Variants in WARS2 observed in about 807,000 individuals in gnomAD.
The protein encoded by WARS2 is tryptophan--tRNA ligase, mitochondrial.
Under a neutral mutation model 36.5 loss-of-function variants are expected in WARS2, and 28 were observed. The ratio of observed to expected loss-of-function variants is 0.77; its 90% CI spans 0.57 to 1.05. The LOEUF (loss-of-function observed/expected upper bound fraction) is 1.05. Among genes scored for constraint, WARS2 ranks in the 50% least tolerant of loss-of-function variants. WARS2 has a pLI of 0.00. For synonymous variants in WARS2, 174 were observed against 178.4 expected (o/e 0.98, Z 0.20); for missense variants, 435 against 456.8 (o/e 0.95, Z 0.44).
intron 2 of WARS2, among the ~76,000 whole-genome samples, chr1:119,049,223 C>T (rs1392423501): frequency 3.9e-5 from 6 of 152,326 alleles, no homozygotes; most frequent in African/African-American, 1.4e-4. Context: ...GGCGGAACGA[C>T]ATGGGGTTTG....
intron 1 of WARS2, among the ~76,000 whole-genome samples, chr1:119,134,333 A>AAAC (rs1553183041): frequency 2.0e-5 from 3 of 151,026 alleles, no homozygotes; most frequent in Non-Finnish European, 4.4e-5. Context: ...AAAAAAAAAA[A>AAAC]AAAAAAAACA....
intron 4 of WARS2, among the ~76,000 whole-genome samples, chr1:119,039,404 C>A (rs1648156221): frequency 6.6e-6 from 1 of 151,172 alleles, no homozygotes; most frequent in Non-Finnish European, 1.5e-5. Context: ...ATATATATAA[C>A]ACATATACAT....
At chr1:119,126,360 AT>A (rs1655655786) in intron 1 of WARS2, among the ~76,000 whole-genome samples, 1 of 152,120 alleles carries the variant, frequency 6.6e-6, no homozygotes, top group African/African-American at 2.4e-5. Flanking sequence ...AACCCTGCTT[AT>A]AAAACCCTTT....
At chr1:119,070,448 G>T (rs767873556) in intron 2 of WARS2, among the ~76,000 whole-genome samples, 3 of 151,936 alleles carry the variant, frequency 2.0e-5, no homozygotes, top group Non-Finnish European at 4.4e-5. Flanking sequence ...TAATTTTTTT[G>T]TAGAGACAGG....
chr1:119,078,578 A>G (rs587653802), intron 1 of WARS2, among the ~76,000 whole-genome samples: 5 of 152,292 alleles, frequency 3.3e-5, no homozygotes, highest in African/African-American at 1.2e-4. Flanking sequence ...TTTGATTATT[A>G]AAGAAGTTGG....
chr1:119,082,813 G>A (rs12142185), intron 1 of WARS2, among the ~76,000 whole-genome samples: 3 of 152,160 alleles, frequency 2.0e-5, no homozygotes, highest in Admixed American at 6.5e-5. Flanking sequence ...ATGTTTTGAA[G>A]GTGTGACCCC....
intron 1 of WARS2, among the ~76,000 whole-genome samples, chr1:119,128,865 A>G (rs1341365993): frequency 6.6e-6 from 1 of 152,164 alleles, no homozygotes; most frequent in African/African-American, 2.4e-5. Context: ...TTAGATGGAA[A>G]AGAAAGACAA....
rs138812506 is a variant in WARS2 at position 119,125,464 on chromosome 1, C to T, written c.90+15091G>A. ...TAGAATTTAAGATTTCTGCTTTGCA[C>T]TAGTCTATCTCCAATATCTACCATA... On this transcript the variant is annotated intron_variant, in intron 1 of 5. Coordinates refer to ENST00000235521, the MANE Select transcript of WARS2 (RefSeq NM_015836.4). 4.1e-3 allele frequency among the ~76,000 whole-genome samples: 620 copies of T among 152,326 alleles called. 23 individuals carry two copies. Among genetic ancestry groups the T allele is most frequent in the Admixed American group, 0.038 (574 of 15,288 alleles).
chr1:119,068,053 C>T (rs993492655), intron 2 of WARS2, among the ~76,000 whole-genome samples: 1 of 152,094 alleles, frequency 6.6e-6, no homozygotes, highest in South Asian at 2.1e-4. Context: ...ATGCCATGGG[C>T]CATTTAGATT....
chr1:119,061,049 G>C (rs1650336975), intron 2 of WARS2, among the ~76,000 whole-genome samples: 1 of 152,060 alleles, frequency 6.6e-6, no homozygotes, highest in African/African-American at 2.4e-5. Context: ...TTTGGGGCTT[G>C]AGCCTGCTAA....
At chr1:119,095,594 G>A (rs1028306842) in intron 1 of WARS2, among the ~76,000 whole-genome samples, 7 of 151,940 alleles carry the variant, frequency 4.6e-5, no homozygotes, top group Non-Finnish European at 1.0e-4. Context: ...CACCGCGCCC[G>A]GCTAATTTTT....
At chr1:119,048,735 C>T (rs909881638) in intron 2 of WARS2, among the ~76,000 whole-genome samples, 1 of 152,146 alleles carries the variant, frequency 6.6e-6, no homozygotes, top group African/African-American at 2.4e-5. Context: ...TCCAAGATCA[C>T]CTTGGTCGGC....
chr1:119,092,681 CT>C (rs1323654511), intron 1 of WARS2, among the ~76,000 whole-genome samples: 12 of 152,294 alleles, frequency 7.9e-5, no homozygotes, highest in Admixed American at 6.5e-4. Flanking sequence ...GCTATGTGAT[CT>C]TTGGCAAGTA....
intron 2 of WARS2, chr1:119,063,578 G>T (rs1461630270): frequency 6.6e-6 from 1 of 152,232 alleles, no homozygotes; most frequent in Non-Finnish European, 1.5e-5. Context: ...GGTTTTGTGG[G>T]CCAGGCTCAG....
chr1:119,085,561 G>A (rs1652585187), intron 1 of WARS2: 3 of 1,605,940 alleles, frequency 1.9e-6, no homozygotes, highest in Middle Eastern at 3.3e-4. Flanking sequence ...CCCTTCTCCT[G>A]GAGCTCTTTG....
chr1:119,103,269 A>G (rs1653999641), intron 1 of WARS2, among the ~76,000 whole-genome samples: 1 of 152,022 alleles, frequency 6.6e-6, no homozygotes, highest in Admixed American at 6.6e-5. Flanking sequence ...TGTTATCCCT[A>G]TAAGCCTACG....
At chr1:119,095,208 G>A (rs948670328) in intron 1 of WARS2, among the ~76,000 whole-genome samples, 17 of 152,088 alleles carry the variant, frequency 1.1e-4, no homozygotes, top group Non-Finnish European at 2.1e-4. Context: ...CACTACCTTA[G>A]TTTAAATATT....
intron 4 of WARS2, among the ~76,000 whole-genome samples, chr1:119,034,559 C>T (rs1647711665): frequency 6.6e-6 from 1 of 152,200 alleles, no homozygotes; most frequent in South Asian, 2.1e-4. Flanking sequence ...CCAGTCAGCA[C>T]ATATTATTCC....
intron 1 of WARS2, among the ~76,000 whole-genome samples, chr1:119,086,678 C>T (rs1315715007): frequency 1.3e-5 from 2 of 152,126 alleles, no homozygotes; most frequent in South Asian, 2.1e-4. Flanking sequence ...CTGTCTTCCT[C>T]AGGGTATTGG....
Sources: allele counts gnomAD v4.1 joint callset (sites outside exome capture counted in the v4.1 genomes callset), GRCh38; gene constraint gnomAD v4.1.1; transcripts MANE v1.5; gene names NCBI Gene and HGNC (gene_info 2026-07-23, HGNC 2026-07-21).